PEX5L: variants seen among roughly 807,000 people sequenced by gnomAD.
The protein encoded by PEX5L is PEX5-related protein.
Under a neutral mutation model 84.0 loss-of-function variants are expected in PEX5L, and 30 were observed. The ratio of observed to expected loss-of-function variants is 0.36; its 90% CI spans 0.27 to 0.48. The LOEUF (loss-of-function observed/expected upper bound fraction) is 0.48. PEX5L is among the 20% of genes least tolerant of loss of function. The pLI is 0.99. For synonymous variants in PEX5L, 270 were observed against 283.1 expected (o/e 0.95, Z 0.46); for missense variants, 533 against 754.6 (o/e 0.71, Z 3.44).
intron 3 of PEX5L, chr3:179,895,562 A>C (rs945615820): frequency 3.3e-5 from 5 of 152,156 alleles, no homozygotes; most frequent in African/African-American, 1.2e-4. Context: ...AAAAAACAGC[A>C]GCTGTCAGTG....
chr3:179,962,395 C>G (rs1261714154), intron 2 of PEX5L, among the ~76,000 whole-genome samples: 2 of 152,102 alleles, frequency 1.3e-5, no homozygotes. Flanking sequence ...GTCAAGTTAC[C>G]TTTTTACTCC....
At position 179,880,000 on chromosome 3, in the gene PEX5L, T is replaced by C; in HGVS notation, c.434A>G (p.Asp145Gly). 9 of 1,613,840 alleles carry C rather than the reference T, an allele frequency of 5.6e-6. No individual in the cohort carries two copies. The highest frequency in any genetic ancestry group is 7.6e-6 in the Non-Finnish European group (9 of 1,179,832). Residue 145 changes from aspartate to glycine, a missense_variant, in exon 5 of 15, where the codon GAC becomes GGC. Transcript: ENST00000467460. ...SSLKKKADGSDLISTDAEQRG... is the reference protein window; with the variant it reads ...SSLKKKADGSGLISTDAEQRG... ...CTGCTCAGCATCCGTGCTGATGAGG[T>C]CAGATCCATCGGCCTTTTTCTTGAG...
At chr3:179,900,386 A>G (rs968374288) in intron 2 of PEX5L, among the ~76,000 whole-genome samples, 1 of 152,186 alleles carries the variant, frequency 6.6e-6, no homozygotes, top group Non-Finnish European at 1.5e-5. Context: ...TGGGCTAAGA[A>G]AAAATGTCAA....
At chr3:179,837,584 A>T (rs1335785786) in intron 8 of PEX5L, among the ~76,000 whole-genome samples, 1 of 152,200 alleles carries the variant, frequency 6.6e-6, no homozygotes, top group Non-Finnish European at 1.5e-5. Context: ...TAACTTTAGC[A>T]ACATCCCTTA....
At chr3:179,921,194 T>G (rs2109400138) in intron 2 of PEX5L, among the ~76,000 whole-genome samples, 1 of 152,234 alleles carries the variant, frequency 6.6e-6, no homozygotes, top group Non-Finnish European at 1.5e-5. Flanking sequence ...TAAATGGGAT[T>G]TTTTAGGACT....
intron 8 of PEX5L, among the ~76,000 whole-genome samples, chr3:179,846,689 T>C (rs576107986): frequency 7.9e-5 from 12 of 152,198 alleles, no homozygotes; most frequent in African/African-American, 1.9e-4. Flanking sequence ...AGGGCCTTAA[T>C]AGAACAAAAG....
intron 8 of PEX5L, among the ~76,000 whole-genome samples, chr3:179,855,189 G>A (rs1003715725): frequency 5.9e-5 from 9 of 152,102 alleles, no homozygotes; most frequent in East Asian, 1.9e-4. Flanking sequence ...GCCAGGTGCC[G>A]ATCATGAGGC....
intron 2 of PEX5L, among the ~76,000 whole-genome samples, chr3:179,967,454 C>T (rs1403544446): frequency 6.6e-6 from 1 of 152,090 alleles, no homozygotes; most frequent in Admixed American, 6.6e-5. Context: ...CTCAGAGAAA[C>T]TCTAGGAGGT....
intron 2 of PEX5L, among the ~76,000 whole-genome samples, chr3:179,960,113 G>C (rs1039652292): frequency 2.6e-5 from 4 of 151,982 alleles, no homozygotes; most frequent in African/African-American, 9.7e-5. Flanking sequence ...AGAACCTAGG[G>C]GGACTTGCTC....
intron 1 of PEX5L, among the ~76,000 whole-genome samples, chr3:179,994,399 C>T (rs916659774): frequency 6.6e-6 from 1 of 152,202 alleles, no homozygotes; most frequent in African/African-American, 2.4e-5. Context: ...AATCTTCTAG[C>T]AAAGTGCTCC....
At chr3:179,958,771 G>C (rs1303352612) in intron 2 of PEX5L, among the ~76,000 whole-genome samples, 1 of 152,020 alleles carries the variant, frequency 6.6e-6, no homozygotes, top group Non-Finnish European at 1.5e-5. Flanking sequence ...TTTTTTGTAG[G>C]CCTAGAAAAT....
At chr3:179,827,695 A>G (rs927301295) in intron 8 of PEX5L, among the ~76,000 whole-genome samples, 2 of 152,156 alleles carry the variant, frequency 1.3e-5, no homozygotes, top group Non-Finnish European at 2.9e-5. Context: ...TTTACTCTGG[A>G]GGCTTCTTTG....
chr3:179,982,724 C>T (rs1354372027), intron 1 of PEX5L, among the ~76,000 whole-genome samples: 1 of 152,060 alleles, frequency 6.6e-6, no homozygotes. Context: ...ATAAGTGCAT[C>T]TTTAGAAGTA....
At chr3:179,915,872 G>A (rs1452211807) in intron 2 of PEX5L, among the ~76,000 whole-genome samples, 1 of 152,200 alleles carries the variant, frequency 6.6e-6, no homozygotes, top group Admixed American at 6.5e-5. Context: ...ATGGGCATCA[G>A]AGCATCCAGT....
intron 12 of PEX5L, among the ~76,000 whole-genome samples, chr3:179,809,073 C>CAAAAAAAAAAAAAAAAAAAAA (rs10684376): frequency 2.1e-5 from 1 of 47,772 alleles, no homozygotes; most frequent in Non-Finnish European, 3.6e-5. Flanking sequence ...GATTCCGCCT[C>CAAAAAAAAAAAAAAAAAAAAA]AAAAAAAAAA....
chr3:180,011,000 C>A (rs1300381519), intron 1 of PEX5L, among the ~76,000 whole-genome samples: 1 of 152,080 alleles, frequency 6.6e-6, no homozygotes, highest in African/African-American at 2.4e-5. Flanking sequence ...CAGGGTCTTC[C>A]ACTTATTAGC....
intron 1 of PEX5L, among the ~76,000 whole-genome samples, chr3:179,985,708 C>G (rs1463521605): frequency 6.6e-6 from 1 of 152,050 alleles, no homozygotes; most frequent in Admixed American, 6.5e-5. Flanking sequence ...TAGCTTCACA[C>G]CTGAAGCCTC....
At chr3:179,900,503 A>G (rs976507308) in intron 2 of PEX5L, among the ~76,000 whole-genome samples, 4 of 152,238 alleles carry the variant, frequency 2.6e-5, no homozygotes, top group Admixed American at 2.0e-4. Flanking sequence ...ATGTGCAACT[A>G]TAATAGCTAG....
intron 2 of PEX5L, among the ~76,000 whole-genome samples, chr3:179,968,575 T>C (rs1783933135): frequency 6.6e-6 from 1 of 152,152 alleles, no homozygotes; most frequent in African/African-American, 2.4e-5. Context: ...TTGGAGGCAT[T>C]AAGATTTTAA....
Sources: gnomAD v4.1 joint callset for allele counts (sites outside exome capture counted in the v4.1 genomes callset) on GRCh38, gnomAD v4.1.1 for gene constraint, MANE v1.5 for transcripts, NCBI Gene and HGNC (gene_info 2026-07-23, HGNC 2026-07-21) for gene names.